Variants in ATP6V1C2 observed in about 807,000 individuals in gnomAD.
ATP6V1C2 encodes ATPase H+ transporting V1 subunit C2.
ATP6V1C2 carries 45 observed loss-of-function variants against 56.8 expected under a neutral mutation model. The observed-to-expected ratio is 0.79, with a 90% CI of 0.62 to 1.02. ATP6V1C2 has a LOEUF of 1.02. Among genes scored for constraint, ATP6V1C2 ranks in the 50% least tolerant of loss-of-function variants. The pLI, the probability that ATP6V1C2 is intolerant of heterozygous loss-of-function variation, is 0.00. For missense variants in ATP6V1C2, 463 were observed against 519.7 expected (o/e 0.89, Z 1.06); for synonymous variants, 220 against 201.3 (o/e 1.09, Z -0.79).
At chr2:10,772,707 T>G in intron 8 of ATP6V1C2, 97 bp downstream of exon 8, 1 of 1,067,126 alleles carries the variant, frequency 9.4e-7, no homozygotes, top group Admixed American at 1.7e-5. Flanking sequence ...GGTGTGAGGC[T>G]CCCCAGCTTT....
chr2:10,722,721 C>T, intron 1 of ATP6V1C2, 103 bp from the exon 2 acceptor site: 1 of 1,306,746 alleles, frequency 7.7e-7, no homozygotes, highest in South Asian at 1.5e-5. Context: ...TGGAGCTCAT[C>T]CTAGAAAGGA....
At chr2:10,728,962 CAA>C (rs1282538752) in intron 3 of ATP6V1C2, among the ~76,000 whole-genome samples, 2,202 of 112,754 alleles carry the variant, frequency 0.02, 67 homozygotes, top group African/African-American at 0.07. Flanking sequence ...CATGAAAATA[CAA>C]AAAAAAAAAA....
intron 5 of ATP6V1C2, 63 bp from the exon 6 acceptor site, chr2:10,768,655 CA>C (rs1484066546): frequency 2.2e-6 from 3 of 1,378,070 alleles, no homozygotes; most frequent in Non-Finnish European, 3.1e-6. Context: ...GTGGCCATTT[CA>C]AAAAGTTCAG....
intron 3 of ATP6V1C2, among the ~76,000 whole-genome samples, chr2:10,735,824 A>C (rs1662218428): frequency 6.6e-6 from 1 of 151,868 alleles, no homozygotes; most frequent in Non-Finnish European, 1.5e-5. Flanking sequence ...CTGGGCTCAA[A>C]TGATACCGCT....
chr2:10,757,062 G>C (rs1169532501), intron 4 of ATP6V1C2, among the ~76,000 whole-genome samples: 2 of 138,182 alleles, frequency 1.4e-5, no homozygotes, highest in Non-Finnish European at 3.0e-5. Flanking sequence ...ACCCAGGCTG[G>C]AGTGCAGTGG....
At chr2:10,743,817 T>C (rs1294399400) in intron 3 of ATP6V1C2, among the ~76,000 whole-genome samples, 4 of 151,780 alleles carry the variant, frequency 2.6e-5, no homozygotes, top group Non-Finnish European at 2.9e-5. Context: ...AAACCCCATC[T>C]TTACTAAAAA....
chr2:10,723,180 A>G (rs1435609135), intron 2 of ATP6V1C2, among the ~76,000 whole-genome samples: 2 of 152,110 alleles, frequency 1.3e-5, no homozygotes, highest in African/African-American at 4.8e-5. Context: ...AAATTGTGAT[A>G]CCTATGTAGA....
chr2:10,746,708 C>T (rs900585009), intron 3 of ATP6V1C2, among the ~76,000 whole-genome samples: 2 of 152,136 alleles, frequency 1.3e-5, no homozygotes, highest in African/African-American at 2.4e-5. Flanking sequence ...CCCCGCCCAA[C>T]CGTAGTTTCT....
chr2:10,737,325 G>T (rs1418980566), intron 3 of ATP6V1C2, among the ~76,000 whole-genome samples: 1 of 151,390 alleles, frequency 6.6e-6, no homozygotes, highest in Admixed American at 6.6e-5. Context: ...AGCTACTAGG[G>T]AGGCTGAGGC....
intron 3 of ATP6V1C2, among the ~76,000 whole-genome samples, chr2:10,753,284 C>T (rs546341333): frequency 1.6e-4 from 25 of 152,296 alleles, no homozygotes; most frequent in African/African-American, 6.0e-4. Flanking sequence ...ATAATACACG[C>T]CTTGTTCCAC....
rs376892735 is a variant in ATP6V1C2, at chr2:10,772,600, C to T, written c.628C>T (p.Arg210Ter). 5.6e-6 allele frequency: 9 copies of T among 1,613,896 alleles called. No homozygotes were observed. Among genetic ancestry groups the T allele is most frequent in the Admixed American group, 5.0e-5 (3 of 60,028 alleles). ...YESLSDMVVPRSTKLITEDKE... is the reference protein window; with the variant it reads ...YESLSDMVVP The stretch of plus-strand genomic sequence containing the variant: ...ATCTCTCTCAGACATGGTGGTCCCT[C>T]GATCAACCAAGTAAGTGAGACCCCA... The change falls in exon 8 of 14, where the codon CGA (arginine) becomes TGA (stop). Residue 210 changes from arginine to a stop codon, truncating the protein, a stop_gained. Transcript: ENST00000272238. LOFTEE classifies it high-confidence loss of function.
At chr2:10,771,966 C>T (rs12999992) in intron 7 of ATP6V1C2, 29 bp downstream of exon 7, 252,794 of 1,593,118 alleles carry the variant, frequency 0.16, 21,741 homozygotes, top group South Asian at 0.22. Context: ...CGAAGGAAAC[C>T]GGCCCTGCCC....
At position 10,778,542 on chromosome 2, in the gene ATP6V1C2, AGGGGTCACCT is replaced by A. The variant is rs1665146092; in HGVS notation, c.964-27_964-18del. 6.2e-7 allele frequency: 1 copy of A among 1,607,366 alleles called. No homozygotes were observed. Among genetic ancestry groups the A allele is most frequent in the South Asian group, 1.1e-5 (1 of 90,906 alleles). On this transcript the variant is annotated intron_variant, in intron 11 of 13. Coordinates refer to ENST00000272238, the MANE Select transcript of ATP6V1C2 (RefSeq NM_001039362.2). The stretch of plus-strand genomic sequence containing the variant: ...CTCTGTGTCAGGCGGGGTGTTCAGC[AGGGGTCACCT>A]GGCTCTTCTGTCTTTGCAGGGCCCC...
Position 10,780,902 on chromosome 2 carries a change from G to C in ATP6V1C2, c.1062-1341G>C, listed in dbSNP as rs1054826836. ...TGGGATTACAGGCGTGCACCACCAC[G>C]CCCAGCTAATTTTTGTAATTTTAGT... On this transcript the variant is annotated intron_variant, in intron 12 of 13. Transcript: ENST00000272238. This position sits in a 1 kb window ranked among gnomAD's most constrained non-coding sequence, Gnocchi z 4.1. Among the ~76,000 whole-genome samples the C allele has an allele frequency of 1.2e-4, 19 of 152,014 alleles. No individual in the cohort carries two copies. Among genetic ancestry groups the C allele is most frequent in the African/African-American group, 4.6e-4 (19 of 41,390 alleles).
chr2:10,776,378 C>A (rs1256723455), intron 10 of ATP6V1C2, among the ~76,000 whole-genome samples: 1 of 152,116 alleles, frequency 6.6e-6, no homozygotes, highest in Non-Finnish European at 1.5e-5. Context: ...TCCGGCTGAG[C>A]CTGCGGGGAG....
intron 3 of ATP6V1C2, among the ~76,000 whole-genome samples, chr2:10,733,856 C>CGTTGCTTGCCCCTGAGTGCTTCCCCTGTG (rs1662106391): frequency 6.6e-6 from 1 of 152,112 alleles, no homozygotes; most frequent in East Asian, 1.9e-4. Context: ...CTTCCCCTGT[C>CGTTGCTTGCCCCTGAGTGCTTCCCCTGTG]TATGGAATAG....
intron 2 of ATP6V1C2, 95 bp downstream of exon 2, chr2:10,723,073 G>T: frequency 6.7e-7 from 1 of 1,482,922 alleles, no homozygotes; most frequent in South Asian, 1.3e-5. Flanking sequence ...CAAGGAGAAA[G>T]TATCAAGGCA....
At chr2:10,768,372 C>A (rs539282089) in intron 5 of ATP6V1C2, among the ~76,000 whole-genome samples, 1 of 152,208 alleles carries the variant, frequency 6.6e-6, no homozygotes, top group Non-Finnish European at 1.5e-5. Flanking sequence ...CAGGCCATGT[C>A]GGGTACCCCT....
intron 10 of ATP6V1C2, among the ~76,000 whole-genome samples, chr2:10,776,847 G>A (rs868218023): frequency 6.6e-6 from 1 of 152,180 alleles, no homozygotes; most frequent in South Asian, 2.1e-4. Flanking sequence ...TTTACATGGC[G>A]TAGCCTTCGC....
Sources: allele counts gnomAD v4.1 joint callset (sites outside exome capture counted in the v4.1 genomes callset), GRCh38; gene constraint gnomAD v4.1.1; non-coding constraint Gnocchi (gnomAD v3.1); transcripts MANE v1.5; gene names NCBI Gene and HGNC (gene_info 2026-07-23, HGNC 2026-07-21).